The following RBM6 variants were observed in gnomAD, a reference collection of about 807,000 sequenced individuals.
RBM6 encodes RNA binding motif protein 6.
In RBM6, 23 loss-of-function variants were observed where a neutral mutation model predicts 140.4. The ratio of observed to expected loss-of-function variants is 0.16; its 90% CI spans 0.12 to 0.23. RBM6 has a LOEUF of 0.23. Among genes scored for constraint, RBM6 ranks in the 10% least tolerant of loss-of-function variants. The pLI, the probability that RBM6 is intolerant of heterozygous loss-of-function variation, is 1.00. For missense variants in RBM6, 1,139 were observed against 1,386.7 expected (o/e 0.82, Z 2.84); for synonymous variants, 439 against 475.6 (o/e 0.92, Z 1.00).
intron 6 of RBM6, among the ~76,000 whole-genome samples, chr3:50,002,435 T>G (rs974393628): frequency 6.6e-6 from 1 of 152,082 alleles, no homozygotes; most frequent in Non-Finnish European, 1.5e-5. Context: ...CTAATTTTTG[T>G]ATTTTTAGTA....
At position 49,967,581 on chromosome 3, in the gene RBM6, ACTT is replaced by A. The variant is rs761252739; in HGVS notation, c.158_160del (p.Leu53del). 3.1e-5 allele frequency: 50 copies of A among 1,614,028 alleles called. No individual in the cohort carries two copies. The highest frequency in any genetic ancestry group is 4.2e-5 in the Non-Finnish European group (50 of 1,180,028). ...CTGGCAACTTTCCTGGCAGAGATTC[ACTT>A]CCCTTTGATTTCCAGGGGCATTCGG... On this transcript the variant is annotated inframe_deletion, in exon 3 of 21. Transcript: ENST00000266022. The surrounding 1 kb of genome is among the most constrained non-coding windows in gnomAD (Gnocchi z 4.0).
rs932436577 is a variant in RBM6 at position 50,075,278 on chromosome 3, G to C, written c.3194G>C (p.Arg1065Thr). The C allele has an allele frequency of 1.9e-6, 3 of 1,614,094 alleles. No individual in the cohort carries two copies. The highest frequency in any genetic ancestry group is 3.3e-5 in the Admixed American group (2 of 59,998). ...GGCVQQATGWRKGTGLGYGHP... is the reference protein window; with the variant it reads ...GGCVQQATGWTKGTGLGYGHP... The stretch of plus-strand genomic sequence containing the variant: ...TGTGTCCAACAGGCTACTGGCTGGA[G>C]GAAAGGGACAGGCCTGGGATATGGC... The change falls in exon 20 of 21, where the codon AGG becomes ACG. Residue 1065 changes from arginine to threonine, a missense_variant. Transcript: ENST00000266022.
intron 5 of RBM6, among the ~76,000 whole-genome samples, chr3:49,976,474 G>A (rs539457349): frequency 6.6e-6 from 1 of 152,290 alleles, no homozygotes; most frequent in African/African-American, 2.4e-5. Flanking sequence ...ATTTGTGGAA[G>A]CATGAGTAAG....
chr3:50,058,622 G>C, intron 10 of RBM6, 60 bp downstream of exon 10: 1 of 1,505,014 alleles, frequency 6.6e-7, no homozygotes, highest in Admixed American at 1.7e-5. Context: ...CTTCAAGAAG[G>C]TTTGACTGGG....
At chr3:50,001,726 T>C (rs963850515) in intron 6 of RBM6, among the ~76,000 whole-genome samples, 1 of 152,198 alleles carries the variant, frequency 6.6e-6, no homozygotes, top group African/African-American at 2.4e-5. Context: ...GCTTCCAATC[T>C]GTGTGCTTTC....
chr3:50,062,315 C>T (rs970531474), intron 15 of RBM6, among the ~76,000 whole-genome samples: 2 of 152,022 alleles, frequency 1.3e-5, no homozygotes, highest in Admixed American at 1.3e-4. Flanking sequence ...CCATCCTGGC[C>T]AACATGGTGA....
chr3:50,040,491 T>C (rs866327752), intron 6 of RBM6, among the ~76,000 whole-genome samples: 1,803 of 95,474 alleles, frequency 0.019, 29 homozygotes, highest in African/African-American at 0.051. Context: ...TATATATATA[T>C]ATACACACAC....
At chr3:50,058,262 T>C in intron 9 of RBM6, 140 bp from the exon 10 acceptor site, 1 of 1,036,538 alleles carries the variant, frequency 9.6e-7, no homozygotes, top group Non-Finnish European at 1.4e-6. Context: ...GTATGCAGTA[T>C]TTATTTGTTT....
rs75244837 is a variant in RBM6 at position 50,046,583 on chromosome 3, G to GA, written c.1558-1644dup. Among the ~76,000 whole-genome samples, 741 of 124,180 alleles carry GA rather than the reference G, an allele frequency of 6.0e-3. 4 individuals are homozygous for GA. The highest frequency in any genetic ancestry group is 0.011 in the African/African-American group (372 of 34,116). 81.5% of individuals were successfully genotyped at this position (124,180 alleles called of 152,430 possible). A position where few individuals can be genotyped will look rare whatever the true frequency, so the allele number is the denominator to read the frequency against. On this transcript the variant is annotated intron_variant, in intron 6 of 20. Transcript: ENST00000266022. ...AACAAGAGCGAAACTCTGTCTCAGG[G>GA]AAAAAAAAAAAAAAAAAAGGAGGGG... is the stretch of plus-strand genomic sequence containing the variant.
At chr3:50,030,620 C>G (rs2088101713) in intron 6 of RBM6, among the ~76,000 whole-genome samples, 1 of 152,138 alleles carries the variant, frequency 6.6e-6, no homozygotes, top group Non-Finnish European at 1.5e-5. Context: ...TGACAGAAAA[C>G]TAAAAATAAA....
chr3:50,008,396 A>G (rs1407678213), intron 6 of RBM6, among the ~76,000 whole-genome samples: 3 of 152,092 alleles, frequency 2.0e-5, no homozygotes, highest in South Asian at 2.1e-4. Flanking sequence ...GTCACATCTC[A>G]TTAGTTCAGG....
chr3:49,985,122 A>G (rs1477541547), intron 5 of RBM6, among the ~76,000 whole-genome samples: 3 of 152,264 alleles, frequency 2.0e-5, no homozygotes, highest in African/African-American at 7.2e-5. Flanking sequence ...ATAAGGCTGT[A>G]TGGGGCTTCC....
chr3:50,044,204 C>T (rs910145394), intron 6 of RBM6, among the ~76,000 whole-genome samples: 2 of 152,036 alleles, frequency 1.3e-5, no homozygotes, highest in African/African-American at 2.4e-5. Flanking sequence ...AGGAGCCAGA[C>T]CTGGTTAATC....
intron 6 of RBM6, among the ~76,000 whole-genome samples, chr3:50,003,308 T>A (rs866968319): frequency 2.7e-5 from 3 of 112,778 alleles, no homozygotes; most frequent in East Asian, 2.6e-4. Flanking sequence ...TGTCTAAATT[T>A]AAAAAAAAAA....
At chr3:50,075,355 G>A in intron 20 of RBM6, 25 bp downstream of exon 20, 2 of 1,602,744 alleles carry the variant, frequency 1.2e-6, no homozygotes, top group Non-Finnish European at 1.7e-6. Context: ...ATCTTTTGGG[G>A]GGTGACATGA....
At chr3:50,025,483 T>G (rs1311313123) in intron 6 of RBM6, among the ~76,000 whole-genome samples, 1 of 151,076 alleles carries the variant, frequency 6.6e-6, no homozygotes, top group Admixed American at 6.7e-5. Context: ...TAGATGCACT[T>G]ATTCCTGTTA....
chr3:50,050,667 C>G (rs1332458911), intron 7 of RBM6, among the ~76,000 whole-genome samples: 1 of 152,186 alleles, frequency 6.6e-6, no homozygotes, highest in Non-Finnish European at 1.5e-5. Flanking sequence ...TAGACCACAG[C>G]TGTACCATTT....
Position 50,048,261 on chromosome 3 carries a change from A to G in RBM6, c.1574A>G (p.Gln525Arg). The change falls in exon 7 of 21, where the codon CAG becomes CGG. Residue 525 changes from glutamine (Q) to arginine (R), a missense_variant. Coordinates refer to ENST00000266022, the MANE Select transcript of RBM6 (RefSeq NM_005777.3). ...TCTTTACAGGGAACTCTAATGATCCAGGACAAAGAAGTTACCCTGGAGTAT... is the reference window on the plus strand; with the variant it reads ...TCTTTACAGGGAACTCTAATGATCCGGGACAAAGAAGTTACCCTGGAGTAT... ...MEANQGTLMI[Q>R]DKEVTLEYVS... 1.2e-6 allele frequency: 2 copies of G among 1,613,362 alleles called. No homozygotes were observed. Among genetic ancestry groups the G allele is most frequent in the Non-Finnish European group, 1.7e-6 (2 of 1,179,686 alleles).
At chr3:50,076,947 G>C (rs899405562) in intron 20 of RBM6, 61 bp from the exon 21 acceptor site, 40 of 1,520,482 alleles carry the variant, frequency 2.6e-5, no homozygotes, top group Non-Finnish European at 3.3e-5. Context: ...TGTGGTCAAA[G>C]ACCAGCGCTG....
Sources: allele counts gnomAD v4.1 joint callset (sites outside exome capture counted in the v4.1 genomes callset), GRCh38; gene constraint gnomAD v4.1.1; non-coding constraint Gnocchi (gnomAD v3.1); transcripts MANE v1.5; gene names NCBI Gene and HGNC (gene_info 2026-07-23, HGNC 2026-07-21).